The following SATB2 variants were observed in gnomAD, a reference collection of about 807,000 sequenced individuals.
SATB2 encodes SATB homeobox 2.
Under a neutral mutation model 73.4 loss-of-function variants are expected in SATB2, and 1 was observed. The observed-to-expected ratio is 0.01, with a 90% CI of 0.00 to 0.06. The LOEUF (loss-of-function observed/expected upper bound fraction) is 0.06. Ranked by LOEUF, SATB2 falls within the 10% of genes least tolerant of loss-of-function variation. SATB2 has a pLI of 1.00. For missense variants in SATB2, 459 were observed against 945.8 expected (o/e 0.49, Z 6.75); for synonymous variants, 397 against 367.0 (o/e 1.08, Z -0.93).
chr2:199,326,451 T>G (rs1253262434), intron 8 of SATB2, among the ~76,000 whole-genome samples: 2 of 152,130 alleles, frequency 1.3e-5, no homozygotes, highest in African/African-American at 4.8e-5. Flanking sequence ...TGACCCTAAC[T>G]GTGGGGCCTT....
chr2:199,447,104 C>T (rs1041894841), intron 2 of SATB2, among the ~76,000 whole-genome samples: 2 of 152,186 alleles, frequency 1.3e-5, no homozygotes, highest in African/African-American at 4.8e-5. Flanking sequence ...TGAACTCCAC[C>T]GTCACCACCT....
At chr2:199,430,833 T>C (rs1434861361) in intron 3 of SATB2, among the ~76,000 whole-genome samples, 1 of 152,188 alleles carries the variant, frequency 6.6e-6, no homozygotes, top group East Asian at 1.9e-4. Context: ...ATCTCCTCCT[T>C]TACAGGCAAT....
intron 3 of SATB2, among the ~76,000 whole-genome samples, chr2:199,395,175 G>A (rs1690261841): frequency 6.6e-6 from 1 of 151,726 alleles, no homozygotes; most frequent in Non-Finnish European, 1.5e-5. Context: ...TGACACCTTA[G>A]TGGGCCCCAG....
chr2:199,331,892 T>C (rs370197265), intron 7 of SATB2, among the ~76,000 whole-genome samples: 1 of 152,162 alleles, frequency 6.6e-6, no homozygotes, highest in Non-Finnish European at 1.5e-5. Flanking sequence ...TAATAATTTA[T>C]CTCTCACATA....
chr2:199,447,446 C>T (rs1397288981), intron 2 of SATB2, among the ~76,000 whole-genome samples: 2 of 152,130 alleles, frequency 1.3e-5, no homozygotes, highest in Non-Finnish European at 2.9e-5. Flanking sequence ...AACTCTCTCC[C>T]CTTCAGCCTA....
intron 3 of SATB2, among the ~76,000 whole-genome samples, chr2:199,405,981 T>C (rs901755871): frequency 6.6e-6 from 1 of 152,040 alleles, no homozygotes; most frequent in African/African-American, 2.4e-5. Flanking sequence ...TTTAAGTAAA[T>C]AATAATAATG....
At chr2:199,354,896 C>T (rs945104693) in intron 6 of SATB2, among the ~76,000 whole-genome samples, 3 of 152,130 alleles carry the variant, frequency 2.0e-5, no homozygotes, top group Non-Finnish European at 4.4e-5. Flanking sequence ...AGCGACAATG[C>T]TCTAACCAAG....
chr2:199,277,343 C>T (rs1359295322), intron 10 of SATB2, among the ~76,000 whole-genome samples: 3 of 152,166 alleles, frequency 2.0e-5, no homozygotes, highest in South Asian at 2.1e-4. Context: ...TAACATATTT[C>T]GATATAAAAG....
intron 5 of SATB2, 73 bp downstream of exon 5, chr2:199,380,291 A>G (rs992178569): frequency 1.3e-6 from 2 of 1,581,230 alleles, no homozygotes; most frequent in East Asian, 2.2e-5. Flanking sequence ...TTGTTTAAGC[A>G]GAAGGAACCC....
chr2:199,381,828 G>A lies in SATB2; in HGVS notation c.347-8C>T. ...TTCCCAGCTTGATTATTCCTGCACAGGGAAGAAAAACATAATAAACACATA... is the reference window on the plus strand; with the variant it reads ...TTCCCAGCTTGATTATTCCTGCACAAGGAAGAAAAACATAATAAACACATA... On this transcript the variant is annotated splice_polypyrimidine_tract_variant and splice_region_variant and intron_variant, in intron 3 of 10. Transcript: ENST00000417098. 6.2e-7 allele frequency: 1 copy of A among 1,613,846 alleles called. No individual in the cohort carries two copies. The highest frequency in any genetic ancestry group is 8.5e-7 in the Non-Finnish European group (1 of 1,179,824).
chr2:199,389,005 GAATT>G lies in SATB2; in HGVS notation c.347-7189_347-7186del, dbSNP rs1197892323. On this transcript the variant is annotated intron_variant, in intron 3 of 10. Coordinates refer to ENST00000417098, the MANE Select transcript of SATB2 (RefSeq NM_001172509.2). ...GTCTATCCTATATAATAAGAACATA[GAATT>G]ATTTATCCATAAATCAGTTCACAGG... Among the ~76,000 whole-genome samples the G allele has an allele frequency of 3.3e-5, 5 of 152,136 alleles. No homozygotes were observed. The East Asian group carries it at 7.7e-4, about 23-fold the overall frequency.
At chr2:199,375,141 G>A (rs940492028) in intron 5 of SATB2, among the ~76,000 whole-genome samples, 1 of 152,086 alleles carries the variant, frequency 6.6e-6, no homozygotes, top group African/African-American at 2.4e-5. Flanking sequence ...GCCGACCTTA[G>A]GTATTTCAAC....
At chr2:199,339,069 G>C (rs1465468164) in intron 7 of SATB2, among the ~76,000 whole-genome samples, 1 of 152,106 alleles carries the variant, frequency 6.6e-6, no homozygotes, top group Non-Finnish European at 1.5e-5. Context: ...ATTTAGAAGT[G>C]AGAGGAGAGT....
chr2:199,306,132 C>T (rs1258564392), intron 10 of SATB2, among the ~76,000 whole-genome samples: 4 of 152,072 alleles, frequency 2.6e-5, no homozygotes, highest in Non-Finnish European at 4.4e-5. Context: ...GGCTTTTGGA[C>T]AATTACAGAC....
intron 3 of SATB2, among the ~76,000 whole-genome samples, chr2:199,382,052 T>C (rs1004638390): frequency 1.2e-4 from 18 of 152,232 alleles, no homozygotes; most frequent in Admixed American, 3.9e-4. Context: ...AGTTCTTTTA[T>C]GTTTTCCTGT....
Position 199,272,121 on chromosome 2 carries a change from A to G in SATB2, c.*90T>C, listed in dbSNP as rs182271081. ...AAAGCCAAAAAAACCCAAAAACAAA[A>G]ACAAAAAACAAACTAACAAAAAACT... On this transcript the variant is annotated 3_prime_UTR_variant, in exon 11 of 11. Coordinates refer to ENST00000417098, the MANE Select transcript of SATB2 (RefSeq NM_001172509.2). This position sits in a 1 kb window ranked among gnomAD's most constrained non-coding sequence, Gnocchi z 6.7. The G allele has an allele frequency of 8.7e-4, 1,182 of 1,351,648 alleles. 9 individuals are homozygous for G. Among genetic ancestry groups the G allele is most frequent in the Middle Eastern group, 3.7e-3 (15 of 4,012 alleles). 83.7% of individuals were successfully genotyped at this position (1,351,648 alleles called of 1,614,324 possible). A position where few individuals can be genotyped will look rare whatever the true frequency, so the allele number is the denominator to read the frequency against.
chr2:199,438,077 T>C (rs11883806), intron 2 of SATB2, among the ~76,000 whole-genome samples: 3,029 of 152,244 alleles, frequency 0.02, 98 homozygotes, highest in African/African-American at 0.068. Flanking sequence ...TAAGTATACA[T>C]ACTAGATTTT....
intron 3 of SATB2, among the ~76,000 whole-genome samples, chr2:199,392,288 T>A: frequency 6.6e-6 from 1 of 152,200 alleles, no homozygotes; most frequent in Non-Finnish European, 1.5e-5. Context: ...CAAATCTCAT[T>A]ACTGTTGCAG....
chr2:199,469,394 G>A (rs1162397176), upstream of SATB2, among the ~76,000 whole-genome samples: 3 of 152,120 alleles, frequency 2.0e-5, no homozygotes, highest in Non-Finnish European at 1.5e-5. Flanking sequence ...ATGCCCCTTC[G>A]ACTCTCCTCC....
Sources: allele counts gnomAD v4.1 joint callset (sites outside exome capture counted in the v4.1 genomes callset), GRCh38; gene constraint gnomAD v4.1.1; non-coding constraint Gnocchi (gnomAD v3.1); transcripts MANE v1.5; gene names NCBI Gene and HGNC (gene_info 2026-07-23, HGNC 2026-07-21).